The following PINX1 variants were observed in gnomAD, a reference collection of about 807,000 sequenced individuals.
PINX1 encodes PIN2/TERF1-interacting telomerase inhibitor 1.
PINX1 carries 34 observed loss-of-function variants against 25.4 expected under a neutral mutation model. The ratio of observed to expected loss-of-function variants is 1.34; its 90% CI spans 1.02 to 1.78. The LOEUF (loss-of-function observed/expected upper bound fraction) is 1.78. PINX1 is among the 40% of genes most tolerant of loss of function. The pLI, the probability that PINX1 is intolerant of heterozygous loss-of-function variation, is 0.00. For synonymous variants in PINX1, 197 were observed against 147.7 expected (o/e 1.33, Z -2.42); for missense variants, 592 against 404.9 (o/e 1.46, Z -3.97).
intron 1 of PINX1, 61 bp from the exon 2 acceptor site, chr8:10,834,836 AC>A: frequency 8.9e-7 from 1 of 1,128,442 alleles, no homozygotes; most frequent in Non-Finnish European, 1.3e-6. Flanking sequence ...TACCACACAA[AC>A]ATACACATGC....
chr8:10,781,900 G>A (rs1039159886), intron 6 of PINX1, among the ~76,000 whole-genome samples: 1 of 152,004 alleles, frequency 6.6e-6, no homozygotes, highest in Non-Finnish European at 1.5e-5. Context: ...CACCGCAGCA[G>A]TTTGCATAAT....
At chr8:10,806,407 TG>T (rs796883962) in intron 6 of PINX1, among the ~76,000 whole-genome samples, 6 of 146,874 alleles carry the variant, frequency 4.1e-5, no homozygotes, top group African/African-American at 1.5e-4. Flanking sequence ...AGTAAGTTTT[TG>T]TGTTTTCTGT....
rs368778352 is a variant in PINX1 at position 10,820,196 on chromosome 8, G to A, written c.468C>T (p.Pro156=). The change falls in exon 6 of 7, where the codon CCC becomes CCT. Residue 156 remains proline, a synonymous_variant. Coordinates refer to ENST00000314787, the MANE Select transcript of PINX1 (RefSeq NM_017884.6). ...IFGKRQSKKT[P]EGDASPSTPE... is the part of the protein sequence containing the mutation. ...GAAACTGTACGTGGCTTTATACCTC[G>A]GGAGTCTTCTTACTCTGTCTTTTCC... is the stretch of plus-strand genomic sequence containing the variant. The A allele has an allele frequency of 2.6e-5, 42 of 1,600,506 alleles. No homozygotes were observed. Among genetic ancestry groups the A allele is most frequent in the Middle Eastern group, 1.7e-4 (1 of 6,034 alleles).
intron 6 of PINX1, among the ~76,000 whole-genome samples, chr8:10,814,838 G>A (rs139142488): frequency 1.8e-4 from 28 of 152,282 alleles, no homozygotes; most frequent in African/African-American, 6.5e-4. Context: ...CACATGCTGG[G>A]GACCCAGGAA....
chr8:10,772,368 C>T (rs4240668), intron 6 of PINX1, among the ~76,000 whole-genome samples: 19 of 152,270 alleles, frequency 1.2e-4, no homozygotes, highest in South Asian at 8.3e-4. Flanking sequence ...CACGGCCGTT[C>T]GTTGGAAAGC....
intron 6 of PINX1, among the ~76,000 whole-genome samples, chr8:10,813,275 T>C (rs567323546): frequency 3.3e-5 from 5 of 152,268 alleles, no homozygotes; most frequent in African/African-American, 9.6e-5. Flanking sequence ...CCACCTCCTA[T>C]AAACCCCTCT....
chr8:10,768,221 G>A (rs767668983), intron 6 of PINX1, among the ~76,000 whole-genome samples: 1 of 152,218 alleles, frequency 6.6e-6, no homozygotes, highest in Non-Finnish European at 1.5e-5. Flanking sequence ...CAGTTTCGCA[G>A]CACTACAGGA....
At chr8:10,832,122 G>A (rs11776674) in intron 3 of PINX1, among the ~76,000 whole-genome samples, 60,843 of 151,812 alleles carry the variant, frequency 0.4, 14,172 homozygotes, top group African/African-American at 0.65. Context: ...AGAACCATGC[G>A]GGACAAAAAA....
intron 6 of PINX1, among the ~76,000 whole-genome samples, chr8:10,780,503 A>ACAT (rs1801552130): frequency 6.6e-6 from 1 of 152,202 alleles, no homozygotes; most frequent in African/African-American, 2.4e-5. Context: ...ATAATGCATT[A>ACAT]CATTGACTGA....
intron 6 of PINX1, among the ~76,000 whole-genome samples, chr8:10,782,331 T>C (rs1238774510): frequency 6.6e-6 from 1 of 152,092 alleles, no homozygotes; most frequent in Non-Finnish European, 1.5e-5. Context: ...TAAATGAGAT[T>C]ACACCTGCTC....
chr8:10,789,688 G>A (rs1049179403), intron 6 of PINX1, among the ~76,000 whole-genome samples: 12 of 152,200 alleles, frequency 7.9e-5, no homozygotes, highest in African/African-American at 1.7e-4. Context: ...AGCTGCTAAA[G>A]AGACAAAACG....
chr8:10,767,283 C>G (rs1310862589), intron 6 of PINX1, among the ~76,000 whole-genome samples: 1 of 152,108 alleles, frequency 6.6e-6, no homozygotes, highest in African/African-American at 2.4e-5. Context: ...CCTCAAAAGC[C>G]ACCTCAGTGG....
chr8:10,818,376 G>A (rs1361853346), intron 6 of PINX1, among the ~76,000 whole-genome samples: 1 of 152,148 alleles, frequency 6.6e-6, no homozygotes, highest in Non-Finnish European at 1.5e-5. Context: ...ACCACACAGT[G>A]TTGAAAACCT....
intron 4 of PINX1, among the ~76,000 whole-genome samples, chr8:10,830,680 C>T (rs1422971825): frequency 6.6e-6 from 1 of 152,084 alleles, no homozygotes; most frequent in Non-Finnish European, 1.5e-5. Flanking sequence ...GACACTTCTT[C>T]AAAGAAGATA....
At chr8:10,791,105 G>A (rs1456718973) in intron 6 of PINX1, among the ~76,000 whole-genome samples, 3 of 152,008 alleles carry the variant, frequency 2.0e-5, no homozygotes, top group African/African-American at 7.2e-5. Context: ...GTAGAGATGG[G>A]GTTTCACTAT....
chr8:10,782,672 G>T (rs1387431289), intron 6 of PINX1, among the ~76,000 whole-genome samples: 1 of 152,122 alleles, frequency 6.6e-6, no homozygotes, highest in African/African-American at 2.4e-5. Flanking sequence ...GGAGGCGGAG[G>T]TTGCAGTGAG....
Position 10,805,663 on chromosome 8 carries a change from A to G in PINX1, c.471+14530T>C, listed in dbSNP as rs1338904311. Among the ~76,000 whole-genome samples the G allele has an allele frequency of 2.2e-4, 17 of 76,720 alleles. 1 individual carries two copies. The highest frequency in any genetic ancestry group is 1.0e-3 in the African/African-American group (13 of 12,898). The allele number at this position is 76,720 out of a possible 152,430, so 50.3% of individuals were successfully genotyped here. A position where few individuals can be genotyped will look rare whatever the true frequency, so the allele number is the denominator to read the frequency against. On this transcript the variant is annotated intron_variant, in intron 6 of 6. Transcript: ENST00000314787. The stretch of plus-strand genomic sequence containing the variant: ...GGGCCACACTAGCGCTGAGTGGGTG[A>G]CGGAGCACAGGAAGGGGCCACACTA...
chr8:10,839,650 C>T (rs1303688003), intron 1 of PINX1, 88 bp downstream of exon 1: 1 of 1,395,884 alleles, frequency 7.2e-7, no homozygotes, highest in Non-Finnish European at 9.9e-7. Context: ...GCCGGCAACC[C>T]GAGCTCCCAG....
chr8:10,829,103 T>C (rs1417142728), intron 4 of PINX1, among the ~76,000 whole-genome samples: 1 of 151,996 alleles, frequency 6.6e-6, no homozygotes, highest in African/African-American at 2.4e-5. Flanking sequence ...CTGACCAACA[T>C]GGTGAAACCC....
Sources: gnomAD v4.1 joint callset for allele counts (sites outside exome capture counted in the v4.1 genomes callset) on GRCh38, gnomAD v4.1.1 for gene constraint, MANE v1.5 for transcripts, NCBI Gene and HGNC (gene_info 2026-07-23, HGNC 2026-07-21) for gene names.